The following ZC3H12D variants were observed in gnomAD, a reference collection of about 807,000 sequenced individuals.
ZC3H12D encodes the protein probable ribonuclease ZC3H12D.
A neutral mutation model predicts 24.2 loss-of-function variants in ZC3H12D; 11 were observed. The observed-to-expected ratio is 0.46, with a 90% CI of 0.29 to 0.75. ZC3H12D has a LOEUF of 0.75. Ranked by LOEUF, ZC3H12D falls within the 30% of genes least tolerant of loss-of-function variation. ZC3H12D has a pLI of 0.11. For missense variants in ZC3H12D, 740 were observed against 767.7 expected (o/e 0.96, Z 0.43); for synonymous variants, 333 against 341.8 (o/e 0.97, Z 0.28).
intron 2 of ZC3H12D, among the ~76,000 whole-genome samples, chr6:149,463,068 G>C (rs577677863): frequency 6.6e-6 from 1 of 152,078 alleles, no homozygotes; most frequent in African/African-American, 2.4e-5. Flanking sequence ...TGACTAATAC[G>C]GCTCCAAGAA....
chr6:149,456,848 C>A lies in ZC3H12D; in HGVS notation c.498G>T (p.Pro166=). The A allele has an allele frequency of 6.2e-7, 1 of 1,609,140 alleles. No individual in the cohort carries two copies. The highest frequency in any genetic ancestry group is 2.2e-5 in the East Asian group (1 of 44,872). ...GGCGCTTGCCGTGCACCTTGCGGGA[C>A]GGCGTGTACACCAGCACCGCCTGCC... is the stretch of plus-strand genomic sequence containing the variant. ...LERQAVLVYT[P]SRKVHGKRLV... is the part of the protein sequence containing the mutation. Residue 166 remains proline (P), a synonymous_variant, in exon 4 of 6, where the codon CCG becomes CCT. Transcript: ENST00000409806. This position sits in a 1 kb window ranked among gnomAD's most constrained non-coding sequence, Gnocchi z 4.3.
At chr6:149,455,471 G>A (rs1775964149) in intron 4 of ZC3H12D, among the ~76,000 whole-genome samples, 1 of 152,228 alleles carries the variant, frequency 6.6e-6, no homozygotes, top group African/African-American at 2.4e-5. Context: ...AACAGAAATG[G>A]AAATGGGAGC....
chr6:149,455,344 A>G (rs575253255), intron 4 of ZC3H12D, among the ~76,000 whole-genome samples: 54 of 152,290 alleles, frequency 3.5e-4, no homozygotes, highest in African/African-American at 9.6e-4. Flanking sequence ...TGCTGGAGAC[A>G]CCGCACGTAA....
chr6:149,458,888 T>C (rs1224503686), intron 3 of ZC3H12D, among the ~76,000 whole-genome samples: 1 of 152,244 alleles, frequency 6.6e-6, no homozygotes, highest in Admixed American at 6.5e-5. Context: ...TATGGCCATA[T>C]ATGTTTTCTT....
In ZC3H12D at chr6:149,449,194, C is replaced by T. The variant is rs1775836593; in HGVS notation, c.*1489G>A. ...CAGTAGCTGGCTAGAAGAAACGGCA[C>T]CAGGAAGGTGGCAATAAACTCTGAC... is the stretch of plus-strand genomic sequence containing the variant. On this transcript the variant is annotated 3_prime_UTR_variant, in exon 6 of 6. Transcript: ENST00000409806. The T allele has an allele frequency of 6.6e-6, 1 of 152,230 alleles. No individual in the cohort carries two copies. The highest frequency in any genetic ancestry group is 1.5e-5 in the Non-Finnish European group (1 of 68,060). The allele number at this position is 152,230 out of a possible 1,614,324, so 9.4% of individuals were successfully genotyped here. A position where few individuals can be genotyped will look rare whatever the true frequency, so the allele number is the denominator to read the frequency against.
chr6:149,457,846 T>C (rs1014539887), intron 3 of ZC3H12D, among the ~76,000 whole-genome samples: 1 of 152,140 alleles, frequency 6.6e-6, no homozygotes, highest in African/African-American at 2.4e-5. Context: ...CTTTCCCATA[T>C]GACACTGTTG....
At chr6:149,454,557 A>T (rs1421431541) in intron 4 of ZC3H12D, among the ~76,000 whole-genome samples, 2 of 152,160 alleles carry the variant, frequency 1.3e-5, no homozygotes, top group African/African-American at 4.8e-5. Flanking sequence ...GTTCCCAAAG[A>T]CTTCCTCTCC....
At chr6:149,474,645 T>C in intron 1 of ZC3H12D, 32 bp from the exon 2 acceptor site, 1 of 1,162,142 alleles carries the variant, frequency 8.6e-7, no homozygotes, top group South Asian at 2.8e-5. Context: ...CCATCAGGTG[T>C]TTCCTGGGCA....
rs542743233 is a variant in ZC3H12D at position 149,474,366 on chromosome 6, G to A, written c.178C>T (p.Pro60Ser). The stretch of plus-strand genomic sequence containing the variant: ...TCCGGGACCCCACAGGAGCCCCGAG[G>A]CACTAGCCTGGGTGCAGCCGGGTGC... ...LEHPAAPRLV[P>S]RGSCGVPDSA... is the part of the protein sequence containing the mutation. The change falls in exon 2 of 6, where the codon CCT (proline) becomes TCT (serine). Residue 60 changes from proline (P) to serine (S), a missense_variant. By Grantham distance (74) the Pro-to-Ser change is moderately conservative (BLOSUM62 -1). Transcript: ENST00000409806. The A allele has an allele frequency of 1.4e-5, 23 of 1,607,790 alleles. No homozygotes were observed. Among genetic ancestry groups the A allele is most frequent in the Admixed American group, 3.3e-5 (2 of 59,714 alleles).
intron 2 of ZC3H12D, among the ~76,000 whole-genome samples, chr6:149,462,954 G>A (rs911279563): frequency 6.6e-6 from 1 of 152,098 alleles, no homozygotes; most frequent in Admixed American, 6.6e-5. Flanking sequence ...TTTGCAGATG[G>A]TCTATTATGG....
intron 2 of ZC3H12D, among the ~76,000 whole-genome samples, chr6:149,462,385 A>G (rs1321750225): frequency 7.7e-6 from 1 of 129,328 alleles, no homozygotes; most frequent in Non-Finnish European, 1.7e-5. Flanking sequence ...ACAAAAAACA[A>G]AACAAAACAA....
At position 149,479,999 on chromosome 6, in the gene ZC3H12D, G is replaced by A. The variant is rs562693867; in HGVS notation, c.-71+4814C>T. On this transcript the variant is annotated intron_variant, in intron 1 of 5. Coordinates refer to ENST00000409806, the MANE Select transcript of ZC3H12D (RefSeq NM_207360.3). ...CTTTTCCTTACCTCTACAACCCATT[G>A]GCCAATAATTCTACTTCCCGGACAT... Among the ~76,000 whole-genome samples, 3 of 151,930 alleles carry A rather than the reference G, an allele frequency of 2.0e-5. 1 individual carries two copies. In the South Asian group the frequency reaches 6.2e-4, roughly 32 times the overall value.
chr6:149,451,199 C>A lies in ZC3H12D; in HGVS notation c.1068G>T (p.Gly356=). The change falls in exon 6 of 6, where the codon GGG becomes GGT. Residue 356 remains glycine, a synonymous_variant. Transcript: ENST00000409806. ...FSRLAFSDDL[G]PLGPPLPVPA... ...GGACCGGGAGAGGCGGCCCCAGGGGCCCCAGGTCGTCGCTGAAGGCCAGCC... is the reference window on the plus strand; with the variant it reads ...GGACCGGGAGAGGCGGCCCCAGGGGACCCAGGTCGTCGCTGAAGGCCAGCC... 1 of 1,310,260 alleles carries A rather than the reference C, an allele frequency of 7.6e-7. No individual in the cohort carries two copies. The highest frequency in any genetic ancestry group is 9.7e-7 in the Non-Finnish European group (1 of 1,035,832). The allele number at this position is 1,310,260 out of a possible 1,614,324, so 81.2% of individuals were successfully genotyped here.
intron 1 of ZC3H12D, among the ~76,000 whole-genome samples, chr6:149,481,716 T>C (rs913134924): frequency 6.1e-5 from 9 of 148,590 alleles, no homozygotes; most frequent in Admixed American, 1.3e-4. Flanking sequence ...TTACACCTGG[T>C]GGGAAGATGG....
chr6:149,469,808 G>A (rs1776217064), intron 2 of ZC3H12D, among the ~76,000 whole-genome samples: 1 of 152,224 alleles, frequency 6.6e-6, no homozygotes, highest in Admixed American at 6.5e-5. Context: ...TCCCTGTGAA[G>A]GGAGTGGGGC....
chr6:149,474,817 T>C (rs1302872509), intron 1 of ZC3H12D, among the ~76,000 whole-genome samples: 1 of 152,154 alleles, frequency 6.6e-6, no homozygotes, highest in Non-Finnish European at 1.5e-5. Flanking sequence ...ACTGAGGCCT[T>C]CACCCCACAC....
chr6:149,474,407 C>T lies in ZC3H12D; in HGVS notation c.137G>A (p.Arg46His), dbSNP rs375412330. Residue 46 changes from arginine to histidine, a missense_variant, in exon 2 of 6, where the codon CGC (arginine) becomes CAC (histidine). Arg to His is a conservative substitution (Grantham distance 29). Coordinates refer to ENST00000409806, the MANE Select transcript of ZC3H12D (RefSeq NM_207360.3). The stretch of plus-strand genomic sequence containing the variant: ...AGCCGGGTGCTCCAGGGCACCCGGG[C>T]GGCTGCCCGTGCGGATAAGCTCCTG... ...VLQELIRTGS[R>H]PGALEHPAAP... 5.7e-5 allele frequency: 92 copies of T among 1,608,022 alleles called. No homozygotes were observed. Among genetic ancestry groups the T allele is most frequent in the Non-Finnish European group, 7.4e-5 (87 of 1,175,636 alleles).
At chr6:149,462,343 C>T (rs897212188) in intron 2 of ZC3H12D, among the ~76,000 whole-genome samples, 7 of 152,148 alleles carry the variant, frequency 4.6e-5, no homozygotes, top group Middle Eastern at 3.4e-3. Flanking sequence ...CACTGCACTC[C>T]GGCCTGGGCA....
intron 1 of ZC3H12D, 61 bp from the exon 2 acceptor site, chr6:149,474,674 G>A: frequency 1.2e-6 from 1 of 843,392 alleles, no homozygotes; most frequent in Non-Finnish European, 1.6e-6. Context: ...CAAGGGCAAG[G>A]TGTGCCTGCG....
Sources: allele counts gnomAD v4.1 joint callset (sites outside exome capture counted in the v4.1 genomes callset), GRCh38; gene constraint gnomAD v4.1.1; non-coding constraint Gnocchi (gnomAD v3.1); transcripts MANE v1.5; gene names NCBI Gene and HGNC (gene_info 2026-07-23, HGNC 2026-07-21).